Variants in EPB42 observed in about 807,000 individuals in gnomAD.
EPB42 encodes the protein erythrocyte membrane protein band 4.2.
EPB42 carries 49 observed loss-of-function variants against 76.9 expected under a neutral mutation model. The observed-to-expected ratio is 0.64, with a 90% confidence interval of 0.51 to 0.81. EPB42 has a LOEUF of 0.81. EPB42 is among the 30% of genes least tolerant of loss of function. The probability of loss-of-function intolerance (pLI) is 0.00; values close to 1 mark genes in which losing one functional copy is unlikely to be tolerated. For synonymous variants in EPB42, 310 were observed against 338.4 expected, an observed-to-expected ratio of 0.92 and a Z score of 0.92; for missense variants, 731 against 867.6, an observed-to-expected ratio of 0.84 and a Z score of 1.98.
At chr15:43,214,576 G>A (rs2042348711) in intron 3 of EPB42, among the ~76,000 whole-genome samples, 1 of 152,200 alleles carries the variant, frequency 6.6e-6, no homozygotes, top group African/African-American at 2.4e-5. Flanking sequence ...GTCGGCCGGG[G>A]AGCCTTATCA....
At chr15:43,202,541 C>T (rs974859557) in intron 11 of EPB42, among the ~76,000 whole-genome samples, 8 of 152,190 alleles carry the variant, frequency 5.3e-5, no homozygotes, top group Admixed American at 3.9e-4. Context: ...TATTCCATAG[C>T]AACTTTGTGC....
Position 43,215,099 on chromosome 15 carries a change from A to T in EPB42, c.426T>A (p.Asn142Lys). The T allele has an allele frequency of 6.2e-7, 1 of 1,613,966 alleles. No individual in the cohort carries two copies. Among genetic ancestry groups the T allele is most frequent in the South Asian group, 1.1e-5 (1 of 91,046 alleles). ...CTGGCCCAGGTCCAAACTTACCTCT[A>T]TTCCAGGGGTTAAAAAGCAGTGTGA... ...GQFTLLFNPW[N>K]REDAVFLKNE... Residue 142 changes from asparagine to lysine, a missense_variant, in exon 3 of 13, where the codon AAT becomes AAA. Asn to Lys is a moderately conservative substitution (Grantham distance 94). Transcript: ENST00000441366.
intron 4 of EPB42, among the ~76,000 whole-genome samples, 181 bp from the exon 5 acceptor site, chr15:43,210,620 C>T (rs975758901): frequency 4.6e-5 from 7 of 152,212 alleles, no homozygotes; most frequent in African/African-American, 1.7e-4. Flanking sequence ...CCTCCCCCAA[C>T]CTCTCAATGG....
intron 3 of EPB42, among the ~76,000 whole-genome samples, chr15:43,214,623 C>T (rs185247498): frequency 6.6e-6 from 1 of 152,250 alleles, no homozygotes; most frequent in East Asian, 1.9e-4. Flanking sequence ...AAAGAGGGTC[C>T]CCCAGATTGC....
At chr15:43,225,162 G>A (rs1435931364), upstream of EPB42, among the ~76,000 whole-genome samples, 1 of 152,182 alleles carries the variant, frequency 6.6e-6, no homozygotes, top group East Asian at 1.9e-4. Flanking sequence ...TGCGTGGGGA[G>A]AATATATATG....
chr15:43,216,200 AG>A, intron 2 of EPB42, 67 bp downstream of exon 2: 2 of 1,584,094 alleles, frequency 1.3e-6, no homozygotes, highest in Non-Finnish European at 1.7e-6. Flanking sequence ...ATTCCCTAAC[AG>A]GGTGCTGGAG....
Position 43,197,364 on chromosome 15 carries a change from T to C in EPB42, c.2014A>G (p.Met672Val). The C allele has an allele frequency of 6.2e-7, 1 of 1,614,252 alleles. No individual in the cohort carries two copies. The highest frequency in any genetic ancestry group is 1.1e-5 in the South Asian group (1 of 91,080). ...QRLTVEVDCN[M>V]FQNLTNYKSV... ...TTATAGTTGGTTAGGTTCTGGAACA[T>C]GTTGCAGTCCACTTCCACAGTGAGT... The change falls in exon 13 of 13, where the codon ATG becomes GTG. Residue 672 changes from methionine (M) to valine (V), a missense_variant. Physicochemically the swap from Met to Val is conservative, Grantham distance 21. Coordinates refer to ENST00000441366, the MANE Select transcript of EPB42 (RefSeq NM_001114134.2).
At chr15:43,225,059 C>A (rs932566189), upstream of EPB42, among the ~76,000 whole-genome samples, 1 of 152,364 alleles carries the variant, frequency 6.6e-6, no homozygotes, top group East Asian at 1.9e-4. Context: ...CAGGCATGAG[C>A]CACCGCGCCC....
rs960378425 is a variant in EPB42, at chr15:43,206,199, A to T, written c.1618+131T>A. On this transcript the variant is annotated intron_variant, in intron 10 of 12. Transcript: ENST00000441366. The surrounding 1 kb of genome is among the most constrained non-coding windows in gnomAD (Gnocchi z 4.7). Reference sequence around the variant, plus strand: ...GAATGAATGAATGAGAGAGAACATGAGAGTGAGCAGCAGGGGCTCAAAGCC... The same window carrying T: ...GAATGAATGAATGAGAGAGAACATGTGAGTGAGCAGCAGGGGCTCAAAGCC... 1.9e-5 allele frequency: 18 copies of T among 927,282 alleles called. No homozygotes were observed. Among genetic ancestry groups the T allele is most frequent in the Admixed American group, 2.9e-5 (1 of 34,522 alleles). 57.4% of individuals were successfully genotyped at this position (927,282 alleles called of 1,614,324 possible). A position where few individuals can be genotyped will look rare whatever the true frequency, so the allele number is the denominator to read the frequency against.
At position 43,208,486 on chromosome 15, in the gene EPB42, A is replaced by G. The variant is rs1567276440; in HGVS notation, c.971+151T>C. ...GGCACTCCCAGGAAGGGGCGTGCACACCATCACTGACCATCAGCGCCGCCT... is the reference window on the plus strand; with the variant it reads ...GGCACTCCCAGGAAGGGGCGTGCACGCCATCACTGACCATCAGCGCCGCCT... On this transcript the variant is annotated intron_variant, in intron 7 of 12. Transcript: ENST00000441366. 2.8e-6 allele frequency: 4 copies of G among 1,407,786 alleles called. No individual in the cohort carries two copies. The East Asian group carries it at 6.8e-5, about 24-fold the overall frequency. The allele number at this position is 1,407,786 out of a possible 1,614,324, so 87.2% of individuals were successfully genotyped here.
In EPB42 at chr15:43,216,840, A is replaced by AT. The variant is rs1450349455; in HGVS notation, c.11-388dup. On this transcript the variant is annotated intron_variant, in intron 1 of 12. Transcript: ENST00000441366. ...CCCAAAATCTTTCTCGCACCTACTC[A>AT]TTTTTTCTTAGAGCACAATCAGATA... Among the ~76,000 whole-genome samples the AT allele has an allele frequency of 2.0e-5, 3 of 152,162 alleles. No homozygotes were observed. The East Asian group carries it at 5.8e-4, about 29-fold the overall frequency.
At chr15:43,217,026 C>T (rs1473250826) in intron 1 of EPB42, among the ~76,000 whole-genome samples, 1 of 152,176 alleles carries the variant, frequency 6.6e-6, no homozygotes, top group African/African-American at 2.4e-5. Context: ...CCCAGAAAAA[C>T]CCTTCACGGA....
Position 43,208,711 on chromosome 15 carries a change from A to G in EPB42, c.897T>C (p.Gly299=). ...VTTFASAQGT[G]GRLLIDEYYN... is the part of the protein sequence containing the mutation. ...AGTATTCATCTATGAGAAGACGCCC[A>G]CCGGTGCCCTGTGCTGAGGCAAACG... The change falls in exon 7 of 13, where the codon GGT becomes GGC. Residue 299 remains glycine (G), a synonymous_variant. Transcript: ENST00000441366. 1.2e-6 allele frequency: 2 copies of G among 1,614,138 alleles called. No individual in the cohort carries two copies. Among genetic ancestry groups the G allele is most frequent in the East Asian group, 2.2e-5 (1 of 44,878 alleles).
At chr15:43,197,692 A>G (rs1465110299) in intron 12 of EPB42, among the ~76,000 whole-genome samples, 2 of 152,226 alleles carry the variant, frequency 1.3e-5, no homozygotes, top group African/African-American at 4.8e-5. Flanking sequence ...CTTCCAAGCT[A>G]CATCTGTTGT....
intron 6 of EPB42, among the ~76,000 whole-genome samples, chr15:43,209,016 C>T (rs985201383): frequency 1.3e-5 from 2 of 152,134 alleles, no homozygotes; most frequent in African/African-American, 4.8e-5. Flanking sequence ...CACAGCGCTG[C>T]GGGGCTGCTC....
chr15:43,219,498 C>A (rs767865235), intron 1 of EPB42, among the ~76,000 whole-genome samples: 13 of 152,322 alleles, frequency 8.5e-5, no homozygotes, highest in Admixed American at 4.6e-4. Context: ...CAGTGATTCT[C>A]ATCTGGTGGC....
chr15:43,207,419 C>T lies in EPB42; in HGVS notation c.1098G>A (p.Val366=). 6.2e-7 allele frequency: 1 copy of T among 1,613,982 alleles called. No homozygotes were observed. Among genetic ancestry groups the T allele is most frequent in the South Asian group, 1.1e-5 (1 of 91,078 alleles). The change falls in exon 9 of 13, where the codon GTG becomes GTA. Residue 366 remains valine (V), a synonymous_variant. Coordinates refer to ENST00000441366, the MANE Select transcript of EPB42 (RefSeq NM_001114134.2). Reference sequence around the variant, plus strand: ...TCCCCTCCTTGACTGCTCTGACCGGCACCAGATCACAGGACCCCAGGACTG... The same window carrying T: ...TCCCCTCCTTGACTGCTCTGACCGGTACCAGATCACAGGACCCCAGGACTG... ...GGGVLGSCDL[V]PVRAVKEGTL...
At chr15:43,214,934 GTTCATTCAGGGAGAAAGCCCTGGCACAGA>G (rs1567281668) in intron 3 of EPB42, among the ~76,000 whole-genome samples, 132 bp downstream of exon 3, 1 of 152,206 alleles carries the variant, frequency 6.6e-6, no homozygotes. Context: ...CTGAGAGCTG[GTTCATTCAGGGAGAAAGCCCTGGCACAGA>G]CTGGGTGTTG....
intron 1 of EPB42, among the ~76,000 whole-genome samples, chr15:43,218,605 T>C (rs79507973): frequency 0.048 from 7,253 of 152,322 alleles, 575 homozygotes; most frequent in African/African-American, 0.16. Flanking sequence ...GCATCCTCTG[T>C]CCCAGCAGAA....
Sources: allele counts gnomAD v4.1 joint callset (sites outside exome capture counted in the v4.1 genomes callset), GRCh38; gene constraint gnomAD v4.1.1; non-coding constraint Gnocchi (gnomAD v3.1); transcripts MANE v1.5; gene names NCBI Gene and HGNC (gene_info 2026-07-23, HGNC 2026-07-21).